Variants in FHIT observed in about 807,000 individuals in gnomAD.
The protein encoded by FHIT is fragile histidine triad diadenosine triphosphatase, also known as bis(5'-adenosyl)-triphosphatase.
In FHIT, 19 loss-of-function variants were observed where a neutral mutation model predicts 17.9. The ratio of observed to expected loss-of-function variants is 1.06; its 90% CI spans 0.74 to 1.56. FHIT has a LOEUF of 1.56. Ranked by LOEUF, FHIT falls within the 40% of genes most tolerant of loss-of-function variation. FHIT has a pLI of 0.00. For synonymous variants in FHIT, 81 were observed against 69.7 expected, an observed-to-expected ratio of 1.16 and a Z score of -0.81; for missense variants, 248 against 189.2, an observed-to-expected ratio of 1.31 and a Z score of -1.82.
intron 8 of FHIT, among the ~76,000 whole-genome samples, chr3:59,912,895 T>C (rs1261160344): frequency 6.6e-6 from 1 of 152,202 alleles, no homozygotes; most frequent in African/African-American, 2.4e-5. Context: ...TAGTGTGTTA[T>C]GACATGAATA....
intron 5 of FHIT, among the ~76,000 whole-genome samples, chr3:60,265,097 A>G (rs1417746695): frequency 6.6e-6 from 1 of 151,852 alleles, no homozygotes; most frequent in Non-Finnish European, 1.5e-5. Flanking sequence ...TTTATCTTCA[A>G]TGGCTCCTTT....
intron 8 of FHIT, among the ~76,000 whole-genome samples, chr3:59,788,881 G>GTTTTTTTTTTTTTTTTTTTT (rs60361063): frequency 0.096 from 8,320 of 86,784 alleles, 2,428 homozygotes; most frequent in Middle Eastern, 0.11. Context: ...GAGTTCATAT[G>GTTTTTTTTTTTTTTTTTTTT]TTTTTTTTTT....
At chr3:60,706,072 A>G (rs1442555623) in intron 4 of FHIT, among the ~76,000 whole-genome samples, 1 of 152,148 alleles carries the variant, frequency 6.6e-6, no homozygotes, top group Non-Finnish European at 1.5e-5. Context: ...GGATATTATC[A>G]TAATTATAAT....
At chr3:60,592,653 C>T (rs900062492) in intron 4 of FHIT, among the ~76,000 whole-genome samples, 16 of 152,142 alleles carry the variant, frequency 1.1e-4, no homozygotes, top group Admixed American at 3.9e-4. Flanking sequence ...CCAGAAGTTG[C>T]GCCCATCACT....
intron 2 of FHIT, among the ~76,000 whole-genome samples, chr3:61,094,462 T>G (rs943280462): frequency 6.6e-6 from 1 of 152,160 alleles, no homozygotes; most frequent in Non-Finnish European, 1.5e-5. Context: ...TCCCATATGG[T>G]ATTCAGCACA....
intron 3 of FHIT, among the ~76,000 whole-genome samples, chr3:60,998,875 A>T (rs2030863810): frequency 6.6e-6 from 1 of 151,668 alleles, no homozygotes; most frequent in African/African-American, 2.4e-5. Flanking sequence ...GGTTCACCAT[A>T]ATTCAGGTAG....
At chr3:60,005,947 T>C (rs1699907307) in intron 7 of FHIT, among the ~76,000 whole-genome samples, 1 of 152,148 alleles carries the variant, frequency 6.6e-6, no homozygotes, top group African/African-American at 2.4e-5. Context: ...TTATCACTCC[T>C]TTAGGAAAGC....
chr3:61,100,684 A>G (rs112377498), intron 2 of FHIT, among the ~76,000 whole-genome samples: 7,565 of 152,252 alleles, frequency 0.05, 552 homozygotes, highest in African/African-American at 0.16. Context: ...CCAATAGTGT[A>G]AAAGCATTTC....
chr3:60,900,518 A>T (rs1164157327), intron 3 of FHIT, among the ~76,000 whole-genome samples: 2 of 152,162 alleles, frequency 1.3e-5, no homozygotes, highest in African/African-American at 4.8e-5. Context: ...AACCAAAAAA[A>T]TCATGGTGAA....
At chr3:59,842,661 T>C (rs904041988) in intron 8 of FHIT, among the ~76,000 whole-genome samples, 6 of 152,214 alleles carry the variant, frequency 3.9e-5, no homozygotes, top group African/African-American at 1.4e-4. Flanking sequence ...TAGTGATTAG[T>C]GATGCTGAGC....
chr3:60,664,367 T>A (rs148771057), intron 4 of FHIT, among the ~76,000 whole-genome samples: 5 of 152,182 alleles, frequency 3.3e-5, no homozygotes, highest in East Asian at 3.9e-4. Context: ...TATTCTTTGC[T>A]ATTATTTCAT....
intron 3 of FHIT, among the ~76,000 whole-genome samples, chr3:61,027,971 T>A (rs1318452126): frequency 6.6e-6 from 1 of 152,204 alleles, no homozygotes; most frequent in Non-Finnish European, 1.5e-5. Flanking sequence ...AGCCAGCTGT[T>A]AAACATTTAC....
At chr3:60,570,624 G>A (rs951622215) in intron 4 of FHIT, among the ~76,000 whole-genome samples, 13 of 151,090 alleles carry the variant, frequency 8.6e-5, no homozygotes, top group South Asian at 8.4e-4. Flanking sequence ...AAAGCTCTGC[G>A]TTTGGCATAA....
At chr3:60,218,374 G>A (rs1703796739) in intron 5 of FHIT, among the ~76,000 whole-genome samples, 1 of 152,112 alleles carries the variant, frequency 6.6e-6, no homozygotes, top group African/African-American at 2.4e-5. Context: ...ACTGCTAAGA[G>A]AATTATAACA....
At chr3:59,751,941 G>T in intron 9 of FHIT, 1 of 358,478 alleles carries the variant, frequency 2.8e-6, no homozygotes, top group Non-Finnish European at 5.0e-6. Flanking sequence ...ATTGGATTCT[G>T]GAGGAGCACC....
At chr3:60,183,045 A>G (rs1702009236) in intron 5 of FHIT, among the ~76,000 whole-genome samples, 1 of 152,172 alleles carries the variant, frequency 6.6e-6, no homozygotes, top group African/African-American at 2.4e-5. Context: ...TTTCTCTCTG[A>G]CATCTTCTGA....
At chr3:60,341,116 A>C (rs898824198) in intron 5 of FHIT, among the ~76,000 whole-genome samples, 16 of 152,296 alleles carry the variant, frequency 1.1e-4, no homozygotes, top group Non-Finnish European at 1.0e-4. Context: ...GGACTTGAGT[A>C]TTCACGGATT....
chr3:61,247,268 C>G (rs1003443732), intron 1 of FHIT, among the ~76,000 whole-genome samples: 1 of 152,216 alleles, frequency 6.6e-6, no homozygotes, highest in Non-Finnish European at 1.5e-5. Context: ...CTGTTCCCTG[C>G]ATCACTTCTT....
intron 4 of FHIT, among the ~76,000 whole-genome samples, chr3:60,738,165 A>C (rs782674740): frequency 1.4e-4 from 22 of 152,298 alleles, no homozygotes; most frequent in Non-Finnish European, 3.2e-4. Flanking sequence ...AGCAGATCGC[A>C]TGAAAGACCG....
Sources: allele counts gnomAD v4.1 joint callset (sites outside exome capture counted in the v4.1 genomes callset), GRCh38; gene constraint gnomAD v4.1.1; transcripts MANE v1.5; gene names NCBI Gene and HGNC (gene_info 2026-07-23, HGNC 2026-07-21).